The following RORA variants were observed in gnomAD, a reference collection of about 807,000 sequenced individuals.
RORA encodes the protein nuclear receptor ROR-alpha.
In RORA, 7 loss-of-function variants were observed where a neutral mutation model predicts 69.5. The observed-to-expected ratio is 0.10, with a 90% CI of 0.06 to 0.19. The LOEUF (loss-of-function observed/expected upper bound fraction) is 0.19, where lower values mean the gene tolerates loss of function less well. Ranked by LOEUF, RORA falls within the 10% of genes least tolerant of loss-of-function variation. RORA has a pLI of 1.00. For synonymous variants in RORA, 261 were observed against 240.8 expected, an observed-to-expected ratio of 1.08 and a Z score of -0.78; for missense variants, 457 against 663.0, an observed-to-expected ratio of 0.69 and a Z score of 3.41.
rs150274581 is a variant in RORA, at chr15:60,621,773, C to T, written c.196+56884G>A. Among the ~76,000 whole-genome samples, 29 of 152,054 alleles carry T rather than the reference C, an allele frequency of 1.9e-4. No homozygotes were observed. The East Asian group carries it at 3.3e-3, about 17-fold the overall frequency. ...AAAAGAGTAAAGGGTGGGGGCCGGGCGCAGTAACTCACACCTGTAATCCCA... is the reference window on the plus strand; with the variant it reads ...AAAAGAGTAAAGGGTGGGGGCCGGGTGCAGTAACTCACACCTGTAATCCCA... On this transcript the variant is annotated intron_variant, in intron 2 of 10. Transcript: ENST00000335670.
chr15:60,568,961 A>C lies in RORA; in HGVS notation c.197-37110T>G, dbSNP rs865774232. ...TTTTGCGCTAAAAAAAAAAAAAAAA[A>C]AACTCAATATTATGGCATTTCCTGG... On this transcript the variant is annotated intron_variant, in intron 2 of 10. Transcript: ENST00000335670. Among the ~76,000 whole-genome samples, 220 of 139,984 alleles carry C rather than the reference A, an allele frequency of 1.6e-3. No homozygotes were observed. In the South Asian group the frequency reaches 0.026, roughly 17 times the overall value. The allele number at this position is 139,984 out of a possible 152,430, so 91.8% of individuals were successfully genotyped here.
chr15:60,759,515 G>C (rs2071852769), intron 1 of RORA, among the ~76,000 whole-genome samples: 2 of 152,186 alleles, frequency 1.3e-5, no homozygotes, highest in Non-Finnish European at 2.9e-5. Flanking sequence ...TAATGAGGAA[G>C]CTGAGTAGTT....
chr15:60,874,091 T>C (rs1418772976), intron 1 of RORA, among the ~76,000 whole-genome samples: 1 of 152,194 alleles, frequency 6.6e-6, no homozygotes, highest in Non-Finnish European at 1.5e-5. Context: ...AAATCTGGCA[T>C]CCCTTTTTTG....
chr15:61,093,766 G>A (rs1402721296), intron 1 of RORA, among the ~76,000 whole-genome samples: 1 of 152,150 alleles, frequency 6.6e-6, no homozygotes, highest in Non-Finnish European at 1.5e-5. Flanking sequence ...AACTGAGAAG[G>A]TGAAAAAGGA....
chr15:60,886,813 C>A (rs2073755713), intron 1 of RORA, among the ~76,000 whole-genome samples: 1 of 152,220 alleles, frequency 6.6e-6, no homozygotes, highest in Admixed American at 6.5e-5. Flanking sequence ...TCTTCCTAGA[C>A]AACTGAGTCT....
chr15:60,529,485 G>T (rs1032226611), intron 3 of RORA: 1 of 152,086 alleles, frequency 6.6e-6, no homozygotes, highest in African/African-American at 2.4e-5. Flanking sequence ...CTAGGCATAG[G>T]CCCAATCTGT....
intron 1 of RORA, among the ~76,000 whole-genome samples, chr15:60,946,546 A>C (rs1892883045): frequency 1.3e-5 from 2 of 152,344 alleles, no homozygotes; most frequent in South Asian, 4.1e-4. Context: ...CCGGGATTGC[A>C]GACGGAGTCT....
At chr15:60,953,906 T>C (rs1196530057) in intron 1 of RORA, among the ~76,000 whole-genome samples, 1 of 150,240 alleles carries the variant, frequency 6.7e-6, no homozygotes, top group South Asian at 2.1e-4. Flanking sequence ...GATCTAGAAC[T>C]AGAAATACCA....
chr15:60,540,347 G>A (rs2066822451), intron 2 of RORA, among the ~76,000 whole-genome samples: 1 of 152,044 alleles, frequency 6.6e-6, no homozygotes, highest in African/African-American at 2.4e-5. Flanking sequence ...ACCAAATCTG[G>A]TGATCTAGTT....
rs146659197 is a variant in RORA, at chr15:60,785,625, T to C, written c.167-106939A>G. ...CAGCTAGCTACATCTCACATCATGC[T>C]TCCTCACGTTTCAGGGCTGCAGCCT... On this transcript the variant is annotated intron_variant, in intron 1 of 10. Transcript: ENST00000335670. 1.7e-3 allele frequency among the ~76,000 whole-genome samples: 263 copies of C among 152,318 alleles called. 2 individuals are homozygous for C. Among genetic ancestry groups the C allele is most frequent in the African/African-American group, 6.0e-3 (248 of 41,576 alleles).
At chr15:61,180,584 T>C (rs536367460) in intron 1 of RORA, among the ~76,000 whole-genome samples, 1 of 152,240 alleles carries the variant, frequency 6.6e-6, no homozygotes, top group Non-Finnish European at 1.5e-5. Context: ...TCCAAAAAGC[T>C]TTCCCTGAAT....
intron 1 of RORA, among the ~76,000 whole-genome samples, chr15:60,878,170 CA>C (rs11362081): frequency 0.027 from 1,910 of 69,576 alleles, 32 homozygotes; most frequent in African/African-American, 0.058. Context: ...ACTAAAAATA[CA>C]AAAAAAAAAA....
At chr15:61,036,485 G>A (rs1015389356) in intron 1 of RORA, among the ~76,000 whole-genome samples, 7 of 152,128 alleles carry the variant, frequency 4.6e-5, no homozygotes, top group East Asian at 3.9e-4. Context: ...TGGGGTGGGC[G>A]TCCCGTGCAG....
chr15:60,721,159 A>G (rs1427568320), intron 1 of RORA, among the ~76,000 whole-genome samples: 3 of 152,200 alleles, frequency 2.0e-5, no homozygotes, highest in South Asian at 4.1e-4. Context: ...CAGAAGAGAG[A>G]AACAGAGGCC....
At chr15:60,957,865 A>T (rs767060254) in intron 1 of RORA, among the ~76,000 whole-genome samples, 3 of 152,216 alleles carry the variant, frequency 2.0e-5, no homozygotes, top group African/African-American at 7.2e-5. Flanking sequence ...TAATCATATT[A>T]TGTCCCGTAC....
At chr15:61,151,475 T>C (rs2140874334) in intron 1 of RORA, among the ~76,000 whole-genome samples, 1 of 152,366 alleles carries the variant, frequency 6.6e-6, no homozygotes, top group Non-Finnish European at 1.5e-5. Flanking sequence ...TAAGTCATAA[T>C]TTTTGGGTAC....
At chr15:60,866,855 C>CTATCTATCTATCTATCTAT (rs55912042) in intron 1 of RORA, among the ~76,000 whole-genome samples, 52 of 90,636 alleles carry the variant, frequency 5.7e-4, no homozygotes, top group East Asian at 1.8e-3. Context: ...TATCTATCTA[C>CTATCTATCTATCTATCTAT]CTACCTACCT....
At chr15:61,110,537 G>T (rs1201218897) in intron 1 of RORA, among the ~76,000 whole-genome samples, 1 of 151,732 alleles carries the variant, frequency 6.6e-6, no homozygotes, top group African/African-American at 2.4e-5. Context: ...TTTTTTAAAT[G>T]ATAACTATAA....
At chr15:60,728,237 T>C (rs1053506665) in intron 1 of RORA, among the ~76,000 whole-genome samples, 1 of 152,248 alleles carries the variant, frequency 6.6e-6, no homozygotes, top group Non-Finnish European at 1.5e-5. Flanking sequence ...GGTCTCATTA[T>C]GTCACCCAGG....
Sources: allele counts gnomAD v4.1 joint callset (sites outside exome capture counted in the v4.1 genomes callset), GRCh38; gene constraint gnomAD v4.1.1; transcripts MANE v1.5; gene names NCBI Gene and HGNC (gene_info 2026-07-23, HGNC 2026-07-21).